The following CTNNA2 variants were observed in gnomAD, a reference collection of about 807,000 sequenced individuals.
The protein encoded by CTNNA2 is catenin alpha 2.
Under a neutral mutation model 101.0 loss-of-function variants are expected in CTNNA2, and 42 were observed. The ratio of observed to expected loss-of-function variants is 0.42; its 90% CI spans 0.32 to 0.54. The LOEUF (loss-of-function observed/expected upper bound fraction) is 0.54, where lower values mean the gene tolerates loss of function less well. Among genes scored for constraint, CTNNA2 ranks in the 20% least tolerant of loss-of-function variants. CTNNA2 has a pLI of 0.14. For missense variants in CTNNA2, 871 were observed against 1,223.1 expected (o/e 0.71, Z 4.29); for synonymous variants, 450 against 456.4 (o/e 0.99, Z 0.18).
At chr2:79,250,572 C>A (rs1331175707) in intron 2 of CTNNA2, among the ~76,000 whole-genome samples, 1 of 152,142 alleles carries the variant, frequency 6.6e-6, no homozygotes, top group Non-Finnish European at 1.5e-5. Flanking sequence ...AGACAGGTAG[C>A]TTTTCTGGAT....
chr2:80,477,731 G>GTT (rs1685838546), intron 9 of CTNNA2, among the ~76,000 whole-genome samples: 1 of 122,024 alleles, frequency 8.2e-6, no homozygotes, highest in African/African-American at 2.9e-5. Flanking sequence ...GTGTGAATGT[G>GTT]TGTGTGTGTG....
chr2:79,594,811 T>G (rs1201164181), intron 1 of CTNNA2, among the ~76,000 whole-genome samples: 2 of 152,160 alleles, frequency 1.3e-5, no homozygotes, highest in Non-Finnish European at 2.9e-5. Context: ...ATACTAAAAT[T>G]TCTTCCATTC....
At position 80,393,344 on chromosome 2, in the gene CTNNA2, A is replaced by G. The variant is rs986733758; in HGVS notation, c.1137+53A>G. 3.1e-5 allele frequency: 39 copies of G among 1,273,686 alleles called. No homozygotes were observed. The South Asian group carries it at 4.5e-4, about 15-fold the overall frequency. 78.9% of individuals were successfully genotyped at this position (1,273,686 alleles called of 1,614,324 possible). A position where few individuals can be genotyped will look rare whatever the true frequency, so the allele number is the denominator to read the frequency against. On this transcript the variant is annotated intron_variant, in intron 8 of 18. Transcript: ENST00000402739. ...CCATGATATTCAGTAGTGGTTTCCA[A>G]CAATATCCTTTTCCAGGGTGTCTTC...
rs533660271 is a variant in CTNNA2 at position 79,307,679 on chromosome 2, A to C, written c.-405-5030A>C. ...TATTGTAAATTAGGCTGCAATAAGCATGGGGGTACAGAAGTCTCTTCAATA... is the reference window on the plus strand; with the variant it reads ...TATTGTAAATTAGGCTGCAATAAGCCTGGGGGTACAGAAGTCTCTTCAATA... On this transcript the variant is annotated intron_variant, in intron 2 of 21. Coordinates refer to the CTNNA2 transcript ENST00000466387. 5.3e-5 allele frequency among the ~76,000 whole-genome samples: 8 copies of C among 152,290 alleles called. No individual in the cohort carries two copies. The South Asian group carries it at 1.7e-3, about 32-fold the overall frequency.
At chr2:79,937,197 C>T (rs13383363) in intron 7 of CTNNA2, among the ~76,000 whole-genome samples, 2,138 of 149,848 alleles carry the variant, frequency 0.014, 57 homozygotes, top group African/African-American at 0.05. Flanking sequence ...TTGCTTTAAA[C>T]ATCAATTTTT....
intron 6 of CTNNA2, among the ~76,000 whole-genome samples, chr2:79,893,091 C>G (rs930180255): frequency 6.6e-6 from 1 of 152,034 alleles, no homozygotes; most frequent in Non-Finnish European, 1.5e-5. Flanking sequence ...AATCTCTCCC[C>G]AGATCACTTT....
chr2:79,762,338 G>T (rs866661899), intron 3 of CTNNA2, among the ~76,000 whole-genome samples: 1 of 152,082 alleles, frequency 6.6e-6, no homozygotes, highest in Non-Finnish European at 1.5e-5. Flanking sequence ...GGCAAGATAC[G>T]AGCATTTCAA....
intron 2 of CTNNA2, among the ~76,000 whole-genome samples, chr2:79,729,177 G>C (rs72927427): frequency 5.8e-4 from 88 of 152,230 alleles, no homozygotes; most frequent in African/African-American, 2.0e-3. Flanking sequence ...GCGAATAAGT[G>C]GCTGGTCTGG....
intron 1 of CTNNA2, among the ~76,000 whole-genome samples, chr2:79,629,809 T>A (rs151273772): frequency 1.3e-5 from 2 of 152,282 alleles, no homozygotes; most frequent in East Asian, 3.9e-4. Context: ...TTTTGTGATA[T>A]CTTGGCATCT....
intron 4 of CTNNA2, among the ~76,000 whole-genome samples, chr2:79,398,849 T>TA (rs5832388): frequency 1.8e-4 from 26 of 146,568 alleles, no homozygotes; most frequent in East Asian, 4.0e-4. Flanking sequence ...AGTGTTTAGT[T>TA]AAAAAAAAAA....
intron 2 of CTNNA2, among the ~76,000 whole-genome samples, chr2:79,696,037 T>C (rs1335507252): frequency 6.6e-6 from 1 of 151,966 alleles, no homozygotes. Flanking sequence ...GGAAGCCCTA[T>C]AGACAAGGGA....
chr2:80,504,426 A>C (rs560260889), intron 9 of CTNNA2, among the ~76,000 whole-genome samples: 1 of 152,280 alleles, frequency 6.6e-6, no homozygotes, highest in African/African-American at 2.4e-5. Flanking sequence ...TGACCAAAGT[A>C]AATTGATTAG....
chr2:80,606,717 A>G (rs1380246730), intron 16 of CTNNA2, among the ~76,000 whole-genome samples: 2 of 151,860 alleles, frequency 1.3e-5, no homozygotes, highest in Non-Finnish European at 2.9e-5. Flanking sequence ...CAAGGACTGG[A>G]TTGGTTACAT....
At chr2:79,844,048 C>T (rs967441456) in intron 3 of CTNNA2, among the ~76,000 whole-genome samples, 4 of 152,058 alleles carry the variant, frequency 2.6e-5, no homozygotes, top group African/African-American at 9.7e-5. Context: ...AATATATTTG[C>T]CTAGGGACTG....
intron 2 of CTNNA2, among the ~76,000 whole-genome samples, chr2:79,286,557 T>C (rs894194524): frequency 6.6e-6 from 1 of 152,078 alleles, no homozygotes; most frequent in African/African-American, 2.4e-5. Context: ...AAAATTCTTT[T>C]CTTTAAGAAT....
At chr2:79,350,780 T>G (rs1232563717) in intron 3 of CTNNA2, among the ~76,000 whole-genome samples, 1 of 152,174 alleles carries the variant, frequency 6.6e-6, no homozygotes, top group Non-Finnish European at 1.5e-5. Context: ...CCCTTTCCTC[T>G]GCATCCACAC....
At chr2:79,984,925 G>T (rs1407106405) in intron 7 of CTNNA2, among the ~76,000 whole-genome samples, 2 of 152,158 alleles carry the variant, frequency 1.3e-5, no homozygotes, top group Non-Finnish European at 2.9e-5. Flanking sequence ...CAAATTGCCT[G>T]TTTTTCTCAA....
At chr2:79,944,773 T>C (rs1159358311) in intron 7 of CTNNA2, among the ~76,000 whole-genome samples, 1 of 152,188 alleles carries the variant, frequency 6.6e-6, no homozygotes, top group Non-Finnish European at 1.5e-5. Context: ...ACTGTCATAT[T>C]CAATAAGTAG....
At chr2:79,481,278 G>A (rs1671106952) in intron 4 of CTNNA2, among the ~76,000 whole-genome samples, 1 of 152,022 alleles carries the variant, frequency 6.6e-6, no homozygotes, top group Admixed American at 6.6e-5. Flanking sequence ...CTAAAATTAT[G>A]TTCTCTCTGA....
Sources: gnomAD v4.1 joint callset for allele counts (sites outside exome capture counted in the v4.1 genomes callset) on GRCh38, gnomAD v4.1.1 for gene constraint, MANE v1.5 for transcripts, NCBI Gene and HGNC (gene_info 2026-07-23, HGNC 2026-07-21) for gene names.